DMD: variants seen among roughly 807,000 people sequenced by gnomAD.
DMD encodes the protein dystrophin, also known as mutant dystrophin.
In DMD, 63 loss-of-function variants were observed where a neutral mutation model predicts 330.1. The observed-to-expected ratio is 0.19, with a 90% CI of 0.16 to 0.24. The LOEUF (loss-of-function observed/expected upper bound fraction) is 0.24. DMD is among the 10% of genes least tolerant of loss of function. DMD has a pLI of 1.00. For synonymous variants in DMD, 1,223 were observed against 959.8 expected (o/e 1.27, Z -5.07); for missense variants, 3,344 against 2,684.1 (o/e 1.25, Z -5.43).
At chrX:32,155,185 A>C (rs2096824796) in intron 44 of DMD, among the ~76,000 whole-genome samples, 1 of 110,753 alleles carries the variant, frequency 9.0e-6, no homozygotes, top group African/African-American at 3.3e-5. Flanking sequence ...TAGCTATTAC[A>C]ATACCACTTA....
chrX:31,288,483 A>G (rs2053404979), intron 62 of DMD, among the ~76,000 whole-genome samples: 1 of 111,989 alleles, frequency 8.9e-6, no homozygotes, highest in Non-Finnish European at 1.9e-5. Flanking sequence ...GTTGAGCCCC[A>G]GCTGACTAAA....
chrX:33,152,657 A>G (rs2148633077), intron 1 of DMD, among the ~76,000 whole-genome samples: 1 of 111,168 alleles, frequency 9.0e-6, no homozygotes, highest in Admixed American at 9.6e-5. Context: ...AATTCTCTGT[A>G]GGCAAGCGGC....
At chrX:31,562,874 T>C (rs988909833) in intron 55 of DMD, among the ~76,000 whole-genome samples, 1 of 111,913 alleles carries the variant, frequency 8.9e-6, no homozygotes, top group Non-Finnish European at 1.9e-5. Flanking sequence ...TTTTTGTTTT[T>C]ACATTTAAAA....
At chrX:31,830,504 G>C (rs2092999006) in intron 49 of DMD, among the ~76,000 whole-genome samples, 1 of 111,954 alleles carries the variant, frequency 8.9e-6, no homozygotes, top group Admixed American at 9.4e-5. Context: ...TGAGGCAGGA[G>C]AATCGCTTGA....
At chrX:32,771,581 C>G (rs938835278) in intron 7 of DMD, among the ~76,000 whole-genome samples, 2 of 110,945 alleles carry the variant, frequency 1.8e-5, no homozygotes, top group African/African-American at 6.6e-5. Flanking sequence ...ACTATTATAT[C>G]AAGGGCTGTG....
At chrX:33,114,873 T>C (rs1216646085) in intron 1 of DMD, among the ~76,000 whole-genome samples, 1 of 111,831 alleles carries the variant, frequency 8.9e-6, no homozygotes, top group Non-Finnish European at 1.9e-5. Flanking sequence ...AATGATCACA[T>C]TAGGAAGGTA....
At chrX:31,940,508 C>A (rs2094981685) in intron 45 of DMD, among the ~76,000 whole-genome samples, 1 of 111,559 alleles carries the variant, frequency 9.0e-6, no homozygotes, top group Admixed American at 9.6e-5. Flanking sequence ...TTCTTATGTA[C>A]AAGAGCACAG....
At chrX:32,383,078 A>G (rs2097935818) in intron 33 of DMD, among the ~76,000 whole-genome samples, 1 of 111,058 alleles carries the variant, frequency 9.0e-6, no homozygotes, top group Admixed American at 9.6e-5. Context: ...AAAAGGGGTT[A>G]TAGGTATTAT....
intron 3 of DMD, among the ~76,000 whole-genome samples, chrX:32,847,984 T>G (rs1460505466): frequency 1.8e-5 from 2 of 112,286 alleles, no homozygotes; most frequent in South Asian, 3.6e-4. Context: ...ACCCAAATCA[T>G]GCTTATGAAT....
intron 43 of DMD, among the ~76,000 whole-genome samples, chrX:32,253,179 A>G (rs1241790236): frequency 9.3e-6 from 1 of 107,970 alleles, no homozygotes; most frequent in Admixed American, 1.0e-4. Flanking sequence ...GACTCTAAAA[A>G]ATAGATGAAG....
At chrX:31,377,557 T>C (rs1398715773) in intron 60 of DMD, among the ~76,000 whole-genome samples, 1 of 112,471 alleles carries the variant, frequency 8.9e-6, no homozygotes, top group Non-Finnish European at 1.9e-5. Context: ...AGAGTCAGCC[T>C]AATGTAATGG....
At chrX:32,271,099 C>T (rs754752660) in intron 43 of DMD, among the ~76,000 whole-genome samples, 1 of 111,536 alleles carries the variant, frequency 9.0e-6, no homozygotes, top group African/African-American at 3.3e-5. Context: ...TCCAAAATTC[C>T]TTCAAAACAA....
At chrX:32,600,514 T>TA (rs1288263087) in intron 12 of DMD, among the ~76,000 whole-genome samples, 3 of 107,043 alleles carry the variant, frequency 2.8e-5, no homozygotes, top group African/African-American at 1.0e-4. Context: ...GTTTTTTTTT[T>TA]TTTTAACTAC....
chrX:32,539,611 A>T (rs975553974), intron 17 of DMD, among the ~76,000 whole-genome samples: 1 of 111,731 alleles, frequency 9.0e-6, no homozygotes, highest in Non-Finnish European at 1.9e-5. Flanking sequence ...ATTTTAGTTT[A>T]GAAACTGAAG....
intron 64 of DMD, among the ~76,000 whole-genome samples, chrX:31,220,756 C>T (rs969325960): frequency 7.2e-5 from 8 of 110,686 alleles, no homozygotes; most frequent in Non-Finnish European, 1.5e-4. Flanking sequence ...CCTGATATTC[C>T]AAGCCAAGCA....
At chrX:32,605,291 T>C (rs1314110532) in intron 12 of DMD, among the ~76,000 whole-genome samples, 2 of 110,128 alleles carry the variant, frequency 1.8e-5, no homozygotes, top group African/African-American at 3.3e-5. Flanking sequence ...AAAAAATGTA[T>C]ATATACACTG....
chrX:31,835,018 A>G (rs917270877), intron 49 of DMD, among the ~76,000 whole-genome samples: 194 of 112,567 alleles, frequency 1.7e-3, no homozygotes, highest in African/African-American at 5.5e-3. Flanking sequence ...CAGGAAGCAG[A>G]TATGCTCAGG....
At chrX:32,686,073 C>T (rs1240214813) in intron 9 of DMD, among the ~76,000 whole-genome samples, 1 of 111,527 alleles carries the variant, frequency 9.0e-6, no homozygotes, top group African/African-American at 3.3e-5. Context: ...ACATGTATGA[C>T]ATAATAGGAG....
chrX:31,122,777 A>G (rs1045999443), intron 78 of DMD, among the ~76,000 whole-genome samples: 3 of 111,774 alleles, frequency 2.7e-5, no homozygotes, highest in African/African-American at 9.8e-5. Context: ...CTAATAATGC[A>G]GCACGACCTA....
Sources: allele counts gnomAD v4.1 joint callset (sites outside exome capture counted in the v4.1 genomes callset), GRCh38; gene constraint gnomAD v4.1.1; transcripts MANE v1.5; gene names NCBI Gene and HGNC (gene_info 2026-07-23, HGNC 2026-07-21).